Variants in EXOC6B observed in about 807,000 individuals in gnomAD.
EXOC6B encodes exocyst complex component 6B.
Under a neutral mutation model 113.5 loss-of-function variants are expected in EXOC6B, and 54 were observed. The ratio of observed to expected loss-of-function variants is 0.48; its 90% CI spans 0.38 to 0.60. The LOEUF (loss-of-function observed/expected upper bound fraction) is 0.60, where lower values mean the gene tolerates loss of function less well. Ranked by LOEUF, EXOC6B falls within the 20% of genes least tolerant of loss-of-function variation. The pLI is 0.00. For synonymous variants in EXOC6B, 357 were observed against 339.0 expected, an observed-to-expected ratio of 1.05 and a Z score of -0.58; for missense variants, 797 against 977.5, an observed-to-expected ratio of 0.82 and a Z score of 2.46.
At chr2:72,641,250 C>G (rs185278264) in intron 6 of EXOC6B, among the ~76,000 whole-genome samples, 55 of 152,212 alleles carry the variant, frequency 3.6e-4, no homozygotes, top group African/African-American at 1.3e-3. Flanking sequence ...CGAGCTGAAG[C>G]AGGGCGGGGC....
intron 18 of EXOC6B, among the ~76,000 whole-genome samples, chr2:72,426,630 A>G (rs1695211678): frequency 6.6e-6 from 1 of 152,200 alleles, no homozygotes; most frequent in Admixed American, 6.5e-5. Flanking sequence ...AGAAAAATAG[A>G]GAGTACAAAG....
In EXOC6B at chr2:72,474,826, T is replaced by C. The variant is rs1698635856; in HGVS notation, c.1800+5790A>G. On this transcript the variant is annotated intron_variant, in intron 17 of 21. Coordinates refer to ENST00000272427, the MANE Select transcript of EXOC6B (RefSeq NM_015189.3). ...AGGTGTCATATGTCCTGGCTTTTTCTTATTTTCTGTACCATTATATTCATA... is the reference window on the plus strand; with the variant it reads ...AGGTGTCATATGTCCTGGCTTTTTCCTATTTTCTGTACCATTATATTCATA... Among the ~76,000 whole-genome samples the C allele has an allele frequency of 2.0e-5, 3 of 152,202 alleles. No homozygotes were observed. The South Asian group carries it at 6.2e-4, about 31-fold the overall frequency.
chr2:72,709,143 C>T (rs1176937091), intron 6 of EXOC6B, among the ~76,000 whole-genome samples: 1 of 151,936 alleles, frequency 6.6e-6, no homozygotes, highest in Non-Finnish European at 1.5e-5. Flanking sequence ...AGCTAGATTT[C>T]TCTCTCTTCT....
chr2:72,509,083 T>C (rs1333369970), intron 11 of EXOC6B, among the ~76,000 whole-genome samples: 1 of 152,120 alleles, frequency 6.6e-6, no homozygotes, highest in Non-Finnish European at 1.5e-5. Flanking sequence ...AATGAAGTGA[T>C]ACAGGTGAGG....
intron 20 of EXOC6B, among the ~76,000 whole-genome samples, chr2:72,327,623 T>C (rs1178906382): frequency 1.3e-5 from 2 of 152,118 alleles, no homozygotes; most frequent in Non-Finnish European, 2.9e-5. Context: ...AGATTTCTGC[T>C]CTGTTTGGAT....
At chr2:72,800,245 G>A (rs1685205756) in intron 1 of EXOC6B, among the ~76,000 whole-genome samples, 1 of 151,998 alleles carries the variant, frequency 6.6e-6, no homozygotes, top group Non-Finnish European at 1.5e-5. Flanking sequence ...ATTCTTCTAA[G>A]CTCTATATAT....
At chr2:72,420,188 C>T (rs965101659) in intron 18 of EXOC6B, among the ~76,000 whole-genome samples, 2 of 152,090 alleles carry the variant, frequency 1.3e-5, no homozygotes, top group Non-Finnish European at 2.9e-5. Flanking sequence ...TTTTTCCATA[C>T]ATCATTTCAT....
chr2:72,552,393 T>A (rs930932527), intron 8 of EXOC6B, among the ~76,000 whole-genome samples: 4 of 152,154 alleles, frequency 2.6e-5, no homozygotes, highest in African/African-American at 9.7e-5. Flanking sequence ...GGAGTCAGTG[T>A]GTGGCAAAGG....
intron 5 of EXOC6B, among the ~76,000 whole-genome samples, chr2:72,721,135 C>T (rs1407760794): frequency 6.6e-6 from 1 of 151,742 alleles, no homozygotes; most frequent in African/African-American, 2.4e-5. Flanking sequence ...TCAAGACAAG[C>T]CTAGGCAACA....
intron 1 of EXOC6B, among the ~76,000 whole-genome samples, chr2:72,775,966 A>C (rs1165835502): frequency 6.6e-6 from 1 of 152,222 alleles, no homozygotes; most frequent in Non-Finnish European, 1.5e-5. Context: ...TCCTGGTTTG[A>C]TATTATAGCA....
chr2:72,496,020 A>G (rs1465994112), intron 14 of EXOC6B, among the ~76,000 whole-genome samples: 1 of 152,148 alleles, frequency 6.6e-6, no homozygotes, highest in Non-Finnish European at 1.5e-5. Context: ...TAATAGAGCT[A>G]TTTGGTATCA....
At chr2:72,808,697 C>A (rs753109724) in intron 1 of EXOC6B, among the ~76,000 whole-genome samples, 1 of 152,056 alleles carries the variant, frequency 6.6e-6, no homozygotes, top group South Asian at 2.1e-4. Context: ...GTGGGAAGAT[C>A]AACGGAACCC....
chr2:72,210,697 A>G (rs184694867), intron 20 of EXOC6B, among the ~76,000 whole-genome samples: 130 of 152,230 alleles, frequency 8.5e-4, no homozygotes, highest in Non-Finnish European at 1.2e-3. Context: ...CAGTGTGTCT[A>G]CTTCTCCAGG....
chr2:72,423,506 T>G (rs1345486637), intron 18 of EXOC6B, among the ~76,000 whole-genome samples: 1 of 152,196 alleles, frequency 6.6e-6, no homozygotes, highest in Admixed American at 6.5e-5. Flanking sequence ...ATGTTGCAAA[T>G]TGTTCTCTAG....
At chr2:72,658,246 C>T (rs1461784831) in intron 6 of EXOC6B, among the ~76,000 whole-genome samples, 1 of 50,050 alleles carries the variant, frequency 2.0e-5, no homozygotes, top group Non-Finnish European at 4.0e-5. Flanking sequence ...AAGATAATTA[C>T]ATACTATATA....
intron 7 of EXOC6B, among the ~76,000 whole-genome samples, chr2:72,562,036 T>A (rs1384032734): frequency 1.3e-5 from 2 of 152,128 alleles, no homozygotes; most frequent in African/African-American, 4.8e-5. Flanking sequence ...TTAGAAATCA[T>A]TTTTCCTCTA....
intron 6 of EXOC6B, among the ~76,000 whole-genome samples, chr2:72,704,679 A>T (rs1360195716): frequency 2.6e-5 from 4 of 152,000 alleles, no homozygotes; most frequent in Non-Finnish European, 4.4e-5. Flanking sequence ...ACAAACTACC[A>T]TCAGGGAATA....
chr2:72,498,361 G>T, intron 13 of EXOC6B, 93 bp downstream of exon 13: 2 of 749,814 alleles, frequency 2.7e-6, no homozygotes, highest in South Asian at 1.9e-5. Flanking sequence ...TATACTTGTT[G>T]CCTATAACAT....
chr2:72,342,253 T>C (rs1201057713), intron 19 of EXOC6B, among the ~76,000 whole-genome samples: 2 of 151,504 alleles, frequency 1.3e-5, no homozygotes, highest in East Asian at 3.9e-4. Context: ...TTAGAAATGA[T>C]AAAGATCAGA....
Sources: gnomAD v4.1 joint callset for allele counts (sites outside exome capture counted in the v4.1 genomes callset) on GRCh38, gnomAD v4.1.1 for gene constraint, MANE v1.5 for transcripts, NCBI Gene and HGNC (gene_info 2026-07-23, HGNC 2026-07-21) for gene names.